APOOL: variants seen among roughly 807,000 people sequenced by gnomAD.
APOOL encodes apolipoprotein O like.
APOOL carries 12 observed loss-of-function variants against 23.1 expected under a neutral mutation model. The ratio of observed to expected loss-of-function variants is 0.52; its 90% CI spans 0.33 to 0.84. The LOEUF is 0.84. APOOL is among the 40% of genes least tolerant of loss of function. The probability of loss-of-function intolerance (pLI) is 0.02; values close to 1 mark genes in which losing one functional copy is unlikely to be tolerated. For missense variants in APOOL, 212 were observed against 199.6 expected (o/e 1.06, Z -0.37); for synonymous variants, 77 against 69.9 (o/e 1.10, Z -0.51).
At chrX:85,071,061 A>G (rs188455150) in intron 6 of APOOL, among the ~76,000 whole-genome samples, 1 of 112,121 alleles carries the variant, frequency 8.9e-6, no homozygotes, top group East Asian at 2.8e-4. Flanking sequence ...GAAATAAGAT[A>G]GACACAGAAA....
In APOOL at chrX:85,088,551, A is replaced by C. The variant is rs972145371; in HGVS notation, c.*873A>C. ...AGTGGTTTACTATTGTGTTCCCTGGAAGAGGTATTACAAACGTTTTATTCT... is the reference window on the plus strand; with the variant it reads ...AGTGGTTTACTATTGTGTTCCCTGGCAGAGGTATTACAAACGTTTTATTCT... On this transcript the variant is annotated 3_prime_UTR_variant, in exon 9 of 9. Coordinates refer to ENST00000373173, the MANE Select transcript of APOOL (RefSeq NM_198450.6). 2 of 108,600 alleles carry C rather than the reference A, an allele frequency of 1.8e-5. No homozygotes were observed. The highest frequency in any genetic ancestry group is 6.7e-5 in the African/African-American group (2 of 29,897). 8.9% of individuals were successfully genotyped at this position (108,600 alleles called of 1,213,427 possible). A position where few individuals can be genotyped will look rare whatever the true frequency, so the allele number is the denominator to read the frequency against.
chrX:85,029,147 A>G (rs1340272005), intron 1 of APOOL, among the ~76,000 whole-genome samples: 1 of 111,556 alleles, frequency 9.0e-6, no homozygotes, highest in Non-Finnish European at 1.9e-5. Flanking sequence ...TTACATTCCC[A>G]GAAACAATAT....
chrX:85,068,581 T>C (rs758504496), intron 6 of APOOL, among the ~76,000 whole-genome samples: 1 of 108,441 alleles, frequency 9.2e-6, no homozygotes, highest in Admixed American at 9.9e-5. Context: ...AATTTTTGTA[T>C]TTTTAGTAGA....
At chrX:85,031,885 T>A (rs1349452529) in intron 1 of APOOL, among the ~76,000 whole-genome samples, 1 of 112,259 alleles carries the variant, frequency 8.9e-6, no homozygotes, top group Non-Finnish European at 1.9e-5. Flanking sequence ...GTCTGAATTC[T>A]AAACTGACAA....
intron 1 of APOOL, among the ~76,000 whole-genome samples, chrX:85,046,094 T>C (rs1481791534): frequency 9.0e-6 from 1 of 111,535 alleles, no homozygotes; most frequent in Non-Finnish European, 1.9e-5. Context: ...AGGTGTTCAA[T>C]TGATGTTTGT....
chrX:85,011,747 T>C (rs1434322414), intron 1 of APOOL, among the ~76,000 whole-genome samples: 5 of 112,003 alleles, frequency 4.5e-5, no homozygotes, highest in African/African-American at 1.6e-4. Flanking sequence ...GTAGCCTAGT[T>C]TGTAGTATAG....
intron 1 of APOOL, among the ~76,000 whole-genome samples, chrX:85,006,369 C>T (rs772817248): frequency 2.4e-4 from 27 of 110,792 alleles, no homozygotes; most frequent in Non-Finnish European, 4.5e-4. Context: ...ACTGCTTGCT[C>T]CAGGTCATAC....
In APOOL at chrX:85,005,380, T is replaced by G. The variant is rs1159002052; in HGVS notation, c.15+1453T>G. 8.6e-5 allele frequency among the ~76,000 whole-genome samples: 6 copies of G among 69,464 alleles called. No individual in the cohort carries two copies. In the Admixed American group the frequency reaches 1.1e-3, roughly 13 times the overall value. The allele number at this position is 69,464 out of a possible 115,157, so 60.3% of individuals were successfully genotyped here. A position where few individuals can be genotyped will look rare whatever the true frequency, so the allele number is the denominator to read the frequency against. ...GTTGGTCACGCTGGTCTCGAACTCCTGACCTCGTGATTCACCCCCCCCCCC... is the reference window on the plus strand; with the variant it reads ...GTTGGTCACGCTGGTCTCGAACTCCGGACCTCGTGATTCACCCCCCCCCCC... On this transcript the variant is annotated intron_variant, in intron 1 of 8. Transcript: ENST00000373173.
chrX:85,071,876 C>T (rs920569433), intron 6 of APOOL, among the ~76,000 whole-genome samples: 3 of 112,013 alleles, frequency 2.7e-5, no homozygotes, highest in Admixed American at 9.5e-5. Context: ...AGACGGATCA[C>T]GAGGTCAGGA....
intron 2 of APOOL, among the ~76,000 whole-genome samples, chrX:85,050,262 T>G (rs780757874): frequency 2.7e-5 from 3 of 111,380 alleles, no homozygotes; most frequent in African/African-American, 9.8e-5. Context: ...TTTTTAACTT[T>G]AGATAAAAAA....
intron 1 of APOOL, among the ~76,000 whole-genome samples, chrX:85,036,089 T>C (rs758070109): frequency 1.2e-4 from 13 of 112,481 alleles, no homozygotes; most frequent in Non-Finnish European, 2.4e-4. Flanking sequence ...TTAAAAAATA[T>C]TGATTCTTCC....
At chrX:85,058,417 T>A (rs764633764) in intron 5 of APOOL, among the ~76,000 whole-genome samples, 1 of 112,068 alleles carries the variant, frequency 8.9e-6, no homozygotes, top group Admixed American at 9.5e-5. Context: ...TTCCTTTTTA[T>A]GGCTACATAG....
At chrX:85,057,513 AAT>A (rs965242037) in intron 5 of APOOL, among the ~76,000 whole-genome samples, 223 of 105,221 alleles carry the variant, frequency 2.1e-3, no homozygotes, top group African/African-American at 6.6e-3. Context: ...ACATATATAT[AAT>A]ATATATATAT....
At chrX:85,008,914 T>C (rs776294839) in intron 1 of APOOL, among the ~76,000 whole-genome samples, 1 of 111,990 alleles carries the variant, frequency 8.9e-6, no homozygotes, top group East Asian at 2.8e-4. Flanking sequence ...ATTTGTATCT[T>C]CAATTTTTTC....
intron 3 of APOOL, 101 bp downstream of exon 3, chrX:85,051,609 AAACCAC>A (rs1922784135): frequency 1.0e-6 from 1 of 992,007 alleles, no homozygotes; most frequent in South Asian, 2.1e-5. Flanking sequence ...TAATGGCTTA[AAACCAC>A]AACCATTATA....
intron 8 of APOOL, among the ~76,000 whole-genome samples, chrX:85,087,324 A>T (rs1924345750): frequency 9.0e-6 from 1 of 110,867 alleles, no homozygotes; most frequent in Admixed American, 9.6e-5. Context: ...CTCATGTATC[A>T]CCTTTCCAGA....
intron 8 of APOOL, among the ~76,000 whole-genome samples, chrX:85,079,893 A>G (rs1320047333): frequency 9.0e-6 from 1 of 111,708 alleles, no homozygotes; most frequent in Non-Finnish European, 1.9e-5. Context: ...TGTTCATAGT[A>G]TTCTCTGATG....
At chrX:85,010,357 TA>T (rs940326272) in intron 1 of APOOL, among the ~76,000 whole-genome samples, 2 of 111,919 alleles carry the variant, frequency 1.8e-5, no homozygotes, top group African/African-American at 3.2e-5. Flanking sequence ...TTTGCCCATT[TA>T]AAAAAAATTT....
intron 1 of APOOL, among the ~76,000 whole-genome samples, chrX:85,020,505 A>T (rs1452163349): frequency 1.8e-5 from 2 of 111,258 alleles, no homozygotes; most frequent in Non-Finnish European, 3.8e-5. Flanking sequence ...CCAGGTCAGT[A>T]TCTATGGACT....
Sources: allele counts gnomAD v4.1 joint callset (sites outside exome capture counted in the v4.1 genomes callset), GRCh38; gene constraint gnomAD v4.1.1; transcripts MANE v1.5; gene names NCBI Gene and HGNC (gene_info 2026-07-23, HGNC 2026-07-21).